The following NGF variants were observed in gnomAD, a reference collection of about 807,000 sequenced individuals.
NGF encodes the protein nerve growth factor.
A neutral mutation model predicts 12.8 loss-of-function variants in NGF; 4 were observed. That is an observed-to-expected ratio of 0.31 (90% CI 0.15 to 0.72). The LOEUF (loss-of-function observed/expected upper bound fraction) is 0.72. NGF is among the 30% of genes least tolerant of loss of function. The probability of loss-of-function intolerance (pLI) is 0.69; values close to 1 mark genes in which losing one functional copy is unlikely to be tolerated. For missense variants in NGF, 283 were observed against 330.8 expected, an observed-to-expected ratio of 0.86 and a Z score of 1.12; for synonymous variants, 140 against 130.0, an observed-to-expected ratio of 1.08 and a Z score of -0.52.
At chr1:115,295,003 G>A (rs1370505758) in intron 1 of NGF, among the ~76,000 whole-genome samples, 1 of 152,136 alleles carries the variant, frequency 6.6e-6, no homozygotes, top group African/African-American at 2.4e-5. Flanking sequence ...TCCCAATAAA[G>A]TTCTAGAATG....
intron 1 of NGF, among the ~76,000 whole-genome samples, chr1:115,327,714 T>C (rs993614790): frequency 2.0e-5 from 3 of 152,218 alleles, no homozygotes; most frequent in Admixed American, 2.0e-4. Context: ...TGCTTTTTCC[T>C]TTAAAAACAG....
intron 1 of NGF, among the ~76,000 whole-genome samples, chr1:115,329,884 G>A (rs193080486): frequency 1.3e-5 from 2 of 151,410 alleles, no homozygotes; most frequent in African/African-American, 2.4e-5. Flanking sequence ...TTAGTAGCTA[G>A]GACTTACAGG....
At chr1:115,287,346 G>A (rs116320008) in intron 2 of NGF, among the ~76,000 whole-genome samples, 50 of 152,262 alleles carry the variant, frequency 3.3e-4, no homozygotes, top group African/African-American at 1.2e-3. Flanking sequence ...CACTGGGTCA[G>A]CTCTAAGATC....
At chr1:115,331,945 C>T (rs137990858) in intron 1 of NGF, among the ~76,000 whole-genome samples, 2 of 152,306 alleles carry the variant, frequency 1.3e-5, no homozygotes, top group Non-Finnish European at 1.5e-5. Flanking sequence ...CCCTGTGGGG[C>T]GAGGACAATC....
At position 115,290,483 on chromosome 1, in the gene NGF, C is replaced by G. The variant is rs529217532; in HGVS notation, c.-13+3144G>C. ...TGATCTCGGCTCACTGCAGCCTTTG[C>G]CTCCTGGGTTCAAACAAGTCTCCTG... On this transcript the variant is annotated intron_variant, in intron 2 of 2. Coordinates refer to ENST00000369512, the MANE Select transcript of NGF (RefSeq NM_002506.3). Among the ~76,000 whole-genome samples the G allele has an allele frequency of 1.0e-4, 15 of 147,008 alleles. No individual in the cohort carries two copies. In the South Asian group the frequency reaches 3.2e-3, roughly 32 times the overall value.
chr1:115,337,425 C>T (rs142375581), intron 1 of NGF, among the ~76,000 whole-genome samples: 1 of 151,650 alleles, frequency 6.6e-6, no homozygotes, highest in Non-Finnish European at 1.5e-5. Context: ...GAACTCAAGG[C>T]GCTCCCCGCC....
chr1:115,317,684 G>T (rs1156515356), intron 1 of NGF, among the ~76,000 whole-genome samples: 1 of 152,198 alleles, frequency 6.6e-6, no homozygotes, highest in South Asian at 2.1e-4. Context: ...AAGAAGTTGC[G>T]GCCAAGCTAC....
intron 1 of NGF, among the ~76,000 whole-genome samples, chr1:115,299,946 G>A (rs1056622365): frequency 5.9e-5 from 9 of 152,110 alleles, no homozygotes; most frequent in African/African-American, 7.2e-5. Flanking sequence ...GTCAAGGTTC[G>A]CATGTAATCA....
chr1:115,295,538 G>A (rs755762760), intron 1 of NGF, among the ~76,000 whole-genome samples: 13 of 152,108 alleles, frequency 8.5e-5, no homozygotes, highest in South Asian at 2.1e-4. Context: ...AGATGGTTTC[G>A]TCTAGTCCAT....
intron 1 of NGF, among the ~76,000 whole-genome samples, chr1:115,319,032 G>T (rs572497043): frequency 6.6e-6 from 1 of 152,186 alleles, no homozygotes; most frequent in African/African-American, 2.4e-5. Flanking sequence ...TCTCACTAGC[G>T]TCCTGGTGGG....
In NGF at chr1:115,286,656, G is replaced by A. The variant is rs181709715; in HGVS notation, c.140C>T (p.Ala47Val). Reference sequence around the variant, plus strand: ...CGGGGCGCTGCGGGCTCTGCGAAGGGCAGTGTCAAGGGAATGCTGAAGTTT... The same window carrying A: ...CGGGGCGCTGCGGGCTCTGCGAAGGACAGTGTCAAGGGAATGCTGAAGTTT... ...WTKLQHSLDT[A>V]LRRARSAPAA... Residue 47 changes from alanine to valine, a missense_variant, in exon 3 of 3, where the codon GCC becomes GTC. Around this residue, in one of 2 missense-constraint regions of NGF, gnomAD observed 151 missense variants for 141.6 expected, o/e 1.07. Transcript: ENST00000369512. The A allele has an allele frequency of 6.2e-7, 1 of 1,614,234 alleles. No homozygotes were observed. Among genetic ancestry groups the A allele is most frequent in the Non-Finnish European group, 8.5e-7 (1 of 1,180,044 alleles).
At chr1:115,295,692 A>G (rs1433295319) in intron 1 of NGF, among the ~76,000 whole-genome samples, 1 of 152,130 alleles carries the variant, frequency 6.6e-6, no homozygotes, top group Non-Finnish European at 1.5e-5. Context: ...TCTATAGGAT[A>G]AGAAGCTGGC....
At chr1:115,302,078 T>C (rs1045698639) in intron 1 of NGF, among the ~76,000 whole-genome samples, 18 of 152,220 alleles carry the variant, frequency 1.2e-4, no homozygotes, top group African/African-American at 4.3e-4. Flanking sequence ...TTAATGAATG[T>C]TTATTGAAAG....
At chr1:115,332,926 G>T (rs952704860) in intron 1 of NGF, among the ~76,000 whole-genome samples, 1 of 152,160 alleles carries the variant, frequency 6.6e-6, no homozygotes, top group Non-Finnish European at 1.5e-5. Context: ...TAGTGATGAG[G>T]CAGTACCTCA....
chr1:115,297,105 T>C (rs1042202766), intron 1 of NGF, among the ~76,000 whole-genome samples: 1 of 152,212 alleles, frequency 6.6e-6, no homozygotes, highest in Admixed American at 6.5e-5. Context: ...GATTCCATAG[T>C]AGTATTTTAG....
chr1:115,319,843 T>C (rs1488910607), intron 1 of NGF, among the ~76,000 whole-genome samples: 2 of 152,166 alleles, frequency 1.3e-5, no homozygotes, highest in Non-Finnish European at 1.5e-5. Context: ...CCTGAATTCC[T>C]GAGGGGTCAA....
Position 115,306,461 on chromosome 1 carries a change from G to GTTTA in NGF, c.-136-12712_-136-12711insTAAA, listed in dbSNP as rs367772343. Among the ~76,000 whole-genome samples, 500 of 152,298 alleles carry GTTTA rather than the reference G, an allele frequency of 3.3e-3. 2 individuals carry two copies. The highest frequency in any genetic ancestry group is 0.011 in the African/African-American group (470 of 41,558). On this transcript the variant is annotated intron_variant, in intron 1 of 2. Transcript: ENST00000369512. ...GTTGAGTTACCATCAGTGGTATGTT[G>GTTTA]TTTGTTTGTTTTAGGCAAGACATTT...
chr1:115,326,634 T>C (rs1226663259), intron 1 of NGF, among the ~76,000 whole-genome samples: 2 of 152,180 alleles, frequency 1.3e-5, no homozygotes, highest in Non-Finnish European at 2.9e-5. Flanking sequence ...ATTCTGACCA[T>C]GGCAGGAATA....
intron 1 of NGF, among the ~76,000 whole-genome samples, chr1:115,317,025 G>T (rs1187005039): frequency 6.6e-6 from 1 of 151,800 alleles, no homozygotes; most frequent in Non-Finnish European, 1.5e-5. Context: ...TTACTTTAGC[G>T]ATCTAGAAGT....
Sources: gnomAD v4.1 joint callset for allele counts (sites outside exome capture counted in the v4.1 genomes callset) on GRCh38, gnomAD v4.1.1 for gene constraint, gnomAD v4.1.1 regional missense constraint, MANE v1.5 for transcripts, NCBI Gene and HGNC (gene_info 2026-07-23, HGNC 2026-07-21) for gene names.